Variants in CCDC7 observed in about 807,000 individuals in gnomAD.
CCDC7 encodes coiled-coil domain-containing protein 7.
Under a neutral mutation model 196.9 loss-of-function variants are expected in CCDC7, and 183 were observed. The observed-to-expected ratio is 0.93, with a 90% CI of 0.82 to 1.05. The LOEUF is 1.05. Among genes scored for constraint, CCDC7 ranks in the 50% least tolerant of loss-of-function variants. The pLI, the probability that CCDC7 is intolerant of heterozygous loss-of-function variation, is 0.00. For synonymous variants in CCDC7, 525 were observed against 484.6 expected (o/e 1.08, Z -1.10); for missense variants, 1,540 against 1,482.2 (o/e 1.04, Z -0.64).
upstream of CCDC7, among the ~76,000 whole-genome samples, chr10:32,445,169 T>G (rs1339913409): frequency 1.3e-5 from 2 of 152,180 alleles, no homozygotes; most frequent in Non-Finnish European, 2.9e-5. Flanking sequence ...CATGAATTTT[T>G]GAACACACCC....
chr10:32,555,633 G>T (rs1171411411), intron 13 of CCDC7, among the ~76,000 whole-genome samples: 1 of 152,092 alleles, frequency 6.6e-6, no homozygotes, highest in Non-Finnish European at 1.5e-5. Context: ...TGCATATATA[G>T]GGTGGGAAAA....
chr10:32,749,772 T>A (rs1376810987), intron 28 of CCDC7, among the ~76,000 whole-genome samples: 1 of 152,206 alleles, frequency 6.6e-6, no homozygotes, highest in Non-Finnish European at 1.5e-5. Context: ...GTTTACTTTT[T>A]AAACAGTGTT....
intron 11 of CCDC7, among the ~76,000 whole-genome samples, chr10:32,540,132 T>C (rs1335056721): frequency 7.0e-6 from 1 of 143,446 alleles, no homozygotes; most frequent in Non-Finnish European, 1.5e-5. Context: ...CCCACTATTA[T>C]TGTGTGTGGG....
chr10:32,462,936 C>T (rs1479473809), intron 4 of CCDC7, 81 bp from the exon 6 acceptor site: 3 of 1,576,072 alleles, frequency 1.9e-6, no homozygotes, highest in African/African-American at 1.4e-5. Flanking sequence ...CACAGACACA[C>T]ATTTATATAG....
rs1051688912 is a variant in CCDC7, at chr10:32,658,479, A to G, written c.2015-5575A>G. On this transcript the variant is annotated intron_variant, in intron 20 of 41. Coordinates refer to ENST00000639629, the Ensembl canonical transcript of CCDC7. ...ATCTCGTAAGAACTCATTTACTATCATGAGAATAGCATGGAGGTTGGCGCC... is the reference window on the plus strand; with the variant it reads ...ATCTCGTAAGAACTCATTTACTATCGTGAGAATAGCATGGAGGTTGGCGCC... 2.6e-5 allele frequency among the ~76,000 whole-genome samples: 4 copies of G among 152,156 alleles called. No homozygotes were observed. In the South Asian group the frequency reaches 6.2e-4, roughly 24 times the overall value.
intron 29 of CCDC7, among the ~76,000 whole-genome samples, chr10:32,790,878 G>A (rs561447762): frequency 3.9e-5 from 6 of 152,256 alleles, no homozygotes; most frequent in East Asian, 3.9e-4. Flanking sequence ...AAGACACTAA[G>A]CACAGGACCC....
At chr10:32,511,808 C>A in intron 9 of CCDC7, 1 of 1,039,850 alleles carries the variant, frequency 9.6e-7, no homozygotes, top group South Asian at 1.3e-5. Flanking sequence ...ACGACAATGA[C>A]GCGCCAGCTC....
intron 31 of CCDC7, among the ~76,000 whole-genome samples, chr10:32,819,999 T>C (rs1366349761): frequency 6.6e-6 from 1 of 152,132 alleles, no homozygotes; most frequent in African/African-American, 2.4e-5. Context: ...TAAAGGGTAT[T>C]CAATTAGGAA....
At chr10:32,484,219 G>C (rs1429129898) in intron 8 of CCDC7, among the ~76,000 whole-genome samples, 1 of 152,166 alleles carries the variant, frequency 6.6e-6, no homozygotes, top group East Asian at 1.9e-4. Context: ...CACATGCCCT[G>C]TAAGTTGTAT....
intron 18 of CCDC7, among the ~76,000 whole-genome samples, chr10:32,632,398 G>T (rs2065003625): frequency 6.6e-6 from 1 of 151,536 alleles, no homozygotes; most frequent in Non-Finnish European, 1.5e-5. Flanking sequence ...TCGATTTTCA[G>T]TTATTAAACC....
intron 20 of CCDC7, among the ~76,000 whole-genome samples, chr10:32,662,801 A>G (rs1237660209): frequency 6.6e-6 from 1 of 152,190 alleles, no homozygotes; most frequent in Non-Finnish European, 1.5e-5. Flanking sequence ...ATTGAGCTAG[A>G]TAACCAATGA....
At chr10:32,650,949 G>A (rs1474287587) in intron 20 of CCDC7, among the ~76,000 whole-genome samples, 1 of 152,134 alleles carries the variant, frequency 6.6e-6, no homozygotes, top group Non-Finnish European at 1.5e-5. Flanking sequence ...GTGGGTCTGC[G>A]GGTCAGATGT....
At chr10:32,651,101 G>T (rs2068681289) in intron 20 of CCDC7, among the ~76,000 whole-genome samples, 1 of 152,158 alleles carries the variant, frequency 6.6e-6, no homozygotes, top group Non-Finnish European at 1.5e-5. Flanking sequence ...CCTCAGCTTT[G>T]CACCTGCTGC....
chr10:32,446,188 C>A (rs911750998), exon 1 of CCDC7: 1 of 152,172 alleles, frequency 6.6e-6, no homozygotes, highest in African/African-American at 2.4e-5. Flanking sequence ...TCTTTGCTGC[C>A]GCCCGGGGGC....
chr10:32,744,496 TTTGGAG>T lies in CCDC7; in HGVS notation c.2905+15042_2905+15047del, dbSNP rs1392332055. Among the ~76,000 whole-genome samples, 6 of 152,352 alleles carry T rather than the reference TTTGGAG, an allele frequency of 3.9e-5. No homozygotes were observed. In the East Asian group the frequency reaches 9.6e-4, roughly 24 times the overall value. ...TTCTTTTCTGCATTTATGTCAGTTT[TTTGGAG>T]TTAGGCCATTCTAATAACTGTGTAA... On this transcript the variant is annotated intron_variant, in intron 28 of 41. Coordinates refer to ENST00000639629, the Ensembl canonical transcript of CCDC7.
intron 33 of CCDC7, among the ~76,000 whole-genome samples, chr10:32,839,642 C>A (rs1476825498): frequency 6.6e-6 from 1 of 151,940 alleles, no homozygotes; most frequent in Non-Finnish European, 1.5e-5. Flanking sequence ...CTCTACCCTA[C>A]AACAAATGGA....
intron 32 of CCDC7, among the ~76,000 whole-genome samples, chr10:32,827,164 T>G (rs772336981): frequency 9.2e-5 from 14 of 152,220 alleles, no homozygotes; most frequent in Non-Finnish European, 1.6e-4. Flanking sequence ...CATTGCCCAA[T>G]GGGCCCATGA....
intron 20 of CCDC7, among the ~76,000 whole-genome samples, chr10:32,660,312 T>C (rs1210634487): frequency 7.2e-6 from 1 of 138,426 alleles, no homozygotes; most frequent in Non-Finnish European, 1.5e-5. Flanking sequence ...AGTGTGATGT[T>C]CCCCTTCCTG....
At chr10:32,667,960 A>C (rs1466361782) in intron 21 of CCDC7, among the ~76,000 whole-genome samples, 2 of 152,092 alleles carry the variant, frequency 1.3e-5, no homozygotes, top group Non-Finnish European at 2.9e-5. Context: ...TACCTTGGGC[A>C]GTATGGCCAT....
Sources: allele counts gnomAD v4.1 joint callset (sites outside exome capture counted in the v4.1 genomes callset), GRCh38; gene constraint gnomAD v4.1.1; transcripts MANE v1.5; gene names NCBI Gene and HGNC (gene_info 2026-07-23, HGNC 2026-07-21).